The following STK3 variants were observed in gnomAD, a reference collection of about 807,000 sequenced individuals.
STK3 encodes serine/threonine-protein kinase 3.
Under a neutral mutation model 58.0 loss-of-function variants are expected in STK3, and 41 were observed. That is an observed-to-expected ratio of 0.71 (90% CI 0.55 to 0.92). STK3 has a LOEUF of 0.92. Among genes scored for constraint, STK3 ranks in the 40% least tolerant of loss-of-function variants. STK3 has a pLI of 0.00. For synonymous variants in STK3, 170 were observed against 191.0 expected (o/e 0.89, Z 0.91); for missense variants, 479 against 602.7 (o/e 0.79, Z 2.15).
intron 10 of STK3, among the ~76,000 whole-genome samples, chr8:98,462,439 C>T (rs1271633789): frequency 6.6e-6 from 1 of 152,090 alleles, no homozygotes; most frequent in East Asian, 1.9e-4. Context: ...GTTAGCTGTG[C>T]ATGGGCCTAT....
rs147262787 is a variant in STK3, at chr8:98,541,777, ACT to A, written c.1141+6190_1141+6191del. Among the ~76,000 whole-genome samples, 39 of 152,200 alleles carry A rather than the reference ACT, an allele frequency of 2.6e-4. 2 individuals carry two copies. In the East Asian group the frequency reaches 6.9e-3, roughly 27 times the overall value. On this transcript the variant is annotated intron_variant, in intron 9 of 10. Transcript: ENST00000419617. ...TAATATCCTAAGATACAATATTCAA[ACT>A]CTGCATTTTCTCTGACCTTGAAGTT... is the stretch of plus-strand genomic sequence containing the variant.
chr8:98,700,304 C>G (rs1450374209), intron 6 of STK3, among the ~76,000 whole-genome samples: 3 of 152,230 alleles, frequency 2.0e-5, no homozygotes, highest in Non-Finnish European at 4.4e-5. Flanking sequence ...AACTCCCTGA[C>G]CCTTTGCACT....
intron 4 of STK3, among the ~76,000 whole-genome samples, chr8:98,718,255 A>G (rs1827166816): frequency 6.6e-6 from 1 of 152,120 alleles, no homozygotes; most frequent in Non-Finnish European, 1.5e-5. Context: ...TGAGGGGGGG[A>G]AATGCCTTGA....
chr8:98,557,337 C>T (rs114721845), intron 8 of STK3, among the ~76,000 whole-genome samples: 22 of 152,198 alleles, frequency 1.4e-4, no homozygotes, highest in African/African-American at 5.3e-4. Flanking sequence ...ACTAAAAACA[C>T]TCTTTCCTAT....
chr8:98,827,785 G>A (rs567742315), upstream of STK3, among the ~76,000 whole-genome samples: 1 of 152,144 alleles, frequency 6.6e-6, no homozygotes, highest in South Asian at 2.1e-4. Context: ...CTCCCAAGTA[G>A]CTAGGACTAC....
At chr8:98,529,108 CTAT>C (rs1293844707) in intron 9 of STK3, among the ~76,000 whole-genome samples, 2 of 152,158 alleles carry the variant, frequency 1.3e-5, no homozygotes, top group Non-Finnish European at 1.5e-5. Context: ...ACAGTTACTA[CTAT>C]GACAACTAAG....
chr8:98,423,384 A>T (rs28592805), intron 3 of STK3, among the ~76,000 whole-genome samples: 81,990 of 152,126 alleles, frequency 0.54, 23,015 homozygotes, highest in Non-Finnish European at 0.63. Context: ...GGCCCTGCAC[A>T]GGGAGCAAAG....
At chr8:98,908,341 T>C (rs1258709788) in intron 1 of STK3, among the ~76,000 whole-genome samples, 1 of 152,242 alleles carries the variant, frequency 6.6e-6, no homozygotes, top group Admixed American at 6.5e-5. Flanking sequence ...TTCAGAATAA[T>C]GGGTTGGTTT....
intron 3 of STK3, among the ~76,000 whole-genome samples, chr8:98,408,795 A>T (rs1482528578): frequency 6.6e-6 from 1 of 152,222 alleles, no homozygotes; most frequent in Non-Finnish European, 1.5e-5. Context: ...ATGAGCATGC[A>T]TAGCCAGGGC....
intron 1 of STK3, among the ~76,000 whole-genome samples, chr8:98,794,327 A>T (rs905518789): frequency 6.6e-6 from 1 of 152,166 alleles, no homozygotes; most frequent in African/African-American, 2.4e-5. Context: ...AATCAAAATG[A>T]CAAAGGTGAC....
chr8:98,866,798 C>T (rs1307806680), intron 3 of STK3, among the ~76,000 whole-genome samples: 1 of 152,196 alleles, frequency 6.6e-6, no homozygotes, highest in Non-Finnish European at 1.5e-5. Flanking sequence ...AATCCTCCTA[C>T]CGGTAGCTGG....
At chr8:98,880,993 AC>A (rs1228450432), downstream of STK3, 3 of 152,228 alleles carry the variant, frequency 2.0e-5, no homozygotes. Context: ...CAAACTTATG[AC>A]TAACCCAAAA....
At chr8:98,613,695 A>G (rs938858642) in intron 6 of STK3, among the ~76,000 whole-genome samples, 8 of 152,100 alleles carry the variant, frequency 5.3e-5, no homozygotes, top group Admixed American at 1.3e-4. Flanking sequence ...TAGCCATAAC[A>G]TATTAATAAT....
At chr8:98,905,612 G>A in intron 1 of STK3, 2 of 952,782 alleles carry the variant, frequency 2.1e-6, no homozygotes, top group Non-Finnish European at 3.4e-6. Flanking sequence ...CTTGAAAAGA[G>A]AGCGGATCTC....
In STK3 at chr8:98,800,254, T is replaced by C. The variant is rs1833440618; in HGVS notation, c.26+25261A>G. Among the ~76,000 whole-genome samples, 1 of 152,210 alleles carries C rather than the reference T, an allele frequency of 6.6e-6. No homozygotes were observed. The highest frequency in any genetic ancestry group is 1.9e-4 in the East Asian group (1 of 5,192). ...ACTAACAACTTCTACCGAGGACCCC[T>C]GGACCGACCTGCTGGCACTTTCAAT... On this transcript the variant is annotated intron_variant, in intron 1 of 10. Coordinates refer to ENST00000419617, the MANE Select transcript of STK3 (RefSeq NM_006281.4). The surrounding 1 kb of genome is among the most constrained non-coding windows in gnomAD (Gnocchi z 4.8).
At chr8:98,709,592 A>T (rs1254552337) in intron 4 of STK3, among the ~76,000 whole-genome samples, 3 of 152,204 alleles carry the variant, frequency 2.0e-5, no homozygotes, top group Admixed American at 1.3e-4. Flanking sequence ...CAGGTTATAC[A>T]CTATGACCAA....
chr8:98,424,702 G>T (rs1172682384), intron 3 of STK3, among the ~76,000 whole-genome samples: 2 of 152,262 alleles, frequency 1.3e-5, no homozygotes, highest in Non-Finnish European at 2.9e-5. Flanking sequence ...TGAAGCAGGG[G>T]AGGGAGGAAA....
At chr8:98,376,261 A>G (rs1473815539) in intron 2 of STK3, among the ~76,000 whole-genome samples, 4 of 152,086 alleles carry the variant, frequency 2.6e-5, no homozygotes, top group African/African-American at 9.7e-5. Flanking sequence ...CCATTTTAAA[A>G]CTGGGTTGTT....
At chr8:98,935,926 T>C (rs528968182) in intron 1 of STK3, among the ~76,000 whole-genome samples, 6 of 127,452 alleles carry the variant, frequency 4.7e-5, no homozygotes, top group Non-Finnish European at 9.0e-5. Context: ...TATTTATTTA[T>C]TTTTTTTTGA....
Sources: gnomAD v4.1 joint callset for allele counts (sites outside exome capture counted in the v4.1 genomes callset) on GRCh38, gnomAD v4.1.1 for gene constraint, Gnocchi (gnomAD v3.1) non-coding constraint, MANE v1.5 for transcripts, NCBI Gene and HGNC (gene_info 2026-07-23, HGNC 2026-07-21) for gene names.